The following PTPN21 variants were observed in gnomAD, a reference collection of about 807,000 sequenced individuals.
PTPN21 encodes the protein protein tyrosine phosphatase non-receptor type 21, also known as tyrosine-protein phosphatase non-receptor type 21.
In PTPN21, 77 loss-of-function variants were observed where a neutral mutation model predicts 131.8. That is an observed-to-expected ratio of 0.58 (90% CI 0.49 to 0.71). The LOEUF (loss-of-function observed/expected upper bound fraction) is 0.71, where lower values mean the gene tolerates loss of function less well. Among genes scored for constraint, PTPN21 ranks in the 30% least tolerant of loss-of-function variants. The probability of loss-of-function intolerance (pLI) is 0.00; values close to 1 mark genes in which losing one functional copy is unlikely to be tolerated. For missense variants in PTPN21, 1,552 were observed against 1,527.1 expected, an observed-to-expected ratio of 1.02 and a Z score of -0.27; for synonymous variants, 715 against 621.3, an observed-to-expected ratio of 1.15 and a Z score of -2.24.
chr14:88,487,559 T>C (rs1160096722), intron 10 of PTPN21, among the ~76,000 whole-genome samples: 1 of 151,572 alleles, frequency 6.6e-6, no homozygotes, highest in Non-Finnish European at 1.5e-5. Context: ...AACTAGTACA[T>C]ACTAGTTTTA....
rs188576010 is a variant in PTPN21 at position 88,509,951 on chromosome 14, G to A, written c.351-1931C>T. Among the ~76,000 whole-genome samples the A allele has an allele frequency of 3.6e-3, 551 of 152,276 alleles. 1 individual carries two copies. The highest frequency in any genetic ancestry group is 4.4e-3 in the Non-Finnish European group (296 of 68,022). On this transcript the variant is annotated intron_variant, in intron 3 of 18. Transcript: ENST00000556564. ...CTTGGGAGGCTGAGGCAGGAGAATC[G>A]CTTGAACCCAGGAAGCAGAGGTTGC...
chr14:88,504,220 T>C (rs1384990758), intron 6 of PTPN21, among the ~76,000 whole-genome samples: 6 of 152,162 alleles, frequency 3.9e-5, no homozygotes, highest in Non-Finnish European at 2.9e-5. Context: ...ATAAGTAATA[T>C]GGGTAAGTGC....
rs547745292 is a variant in PTPN21 at position 88,529,782 on chromosome 14, G to T, written c.181-12521C>A. 6.6e-5 allele frequency among the ~76,000 whole-genome samples: 10 copies of T among 152,210 alleles called. No homozygotes were observed. The South Asian group carries it at 1.9e-3, about 28-fold the overall frequency. ...AGACCACTTGAGGCAAGGAGTTTGA[G>T]ACCAGTCTGGCCAACATGGTGAAGC... On this transcript the variant is annotated intron_variant, in intron 2 of 18. Transcript: ENST00000556564.
In PTPN21 at chr14:88,470,065, G is replaced by C; in HGVS notation, c.2872-15C>G. 6.2e-7 allele frequency: 1 copy of C among 1,609,772 alleles called. No homozygotes were observed. The stretch of plus-strand genomic sequence containing the variant: ...CTGACAGAGACCTGGGATTAGAAAA[G>C]GTTAAAAAAATTGATGTGTGGGTAT... On this transcript the variant is annotated splice_polypyrimidine_tract_variant and intron_variant, in intron 15 of 18. Transcript: ENST00000556564.
chr14:88,512,941 T>C (rs2078208239), intron 3 of PTPN21, among the ~76,000 whole-genome samples: 2 of 152,304 alleles, frequency 1.3e-5, no homozygotes, highest in Middle Eastern at 6.8e-3. Context: ...GTTCAGATGA[T>C]GCCAGCCTGT....
chr14:88,474,378 T>C (rs1392328654), intron 13 of PTPN21, among the ~76,000 whole-genome samples: 1 of 152,070 alleles, frequency 6.6e-6, no homozygotes, highest in Non-Finnish European at 1.5e-5. Context: ...TTTGTAGAGA[T>C]GGGGTCTCAC....
chr14:88,539,972 T>C (rs1421140174), intron 2 of PTPN21, among the ~76,000 whole-genome samples: 1 of 152,184 alleles, frequency 6.6e-6, no homozygotes, highest in African/African-American at 2.4e-5. Flanking sequence ...ATATTATTTC[T>C]AAGTGCAAAA....
chr14:88,491,427 G>A (rs1199293472), intron 10 of PTPN21, among the ~76,000 whole-genome samples: 1 of 152,172 alleles, frequency 6.6e-6, no homozygotes, highest in Non-Finnish European at 1.5e-5. Context: ...CAAAGCAGAT[G>A]TCCAGAAGCC....
chr14:88,528,826 T>C (rs1362825606), intron 2 of PTPN21, among the ~76,000 whole-genome samples: 1 of 152,236 alleles, frequency 6.6e-6, no homozygotes, highest in African/African-American at 2.4e-5. Flanking sequence ...ATCAGCAGCA[T>C]GAAAACAGAC....
intron 2 of PTPN21, among the ~76,000 whole-genome samples, chr14:88,531,658 G>T (rs4904453): frequency 6.6e-6 from 1 of 152,128 alleles, no homozygotes. Flanking sequence ...TTAAATGCCT[G>T]TATCAAAAAG....
At chr14:88,551,445 G>C (rs989446308) in intron 1 of PTPN21, 1 of 152,210 alleles carries the variant, frequency 6.6e-6, no homozygotes, top group Non-Finnish European at 1.5e-5. Context: ...CTTCTCCCGC[G>C]TCCTCCCCTT....
In PTPN21 at chr14:88,469,535, C is replaced by G. The variant is rs1472458722; in HGVS notation, c.3199G>C (p.Glu1067Gln). 2.5e-6 allele frequency: 4 copies of G among 1,614,188 alleles called. No homozygotes were observed. The South Asian group carries it at 3.3e-5, about 13-fold the overall frequency. ...TTGAGGTCTTCTGGACAGCCATGTT[C>G]AGGCCAGTCTGTGTATTGGAGGTGC... ...VWHLQYTDWP[E>Q]HGCPEDLKGF... The change falls in exon 17 of 19, where the codon GAA becomes CAA. Residue 1067 changes from glutamate to glutamine, a missense_variant. By Grantham distance (29) the Glu-to-Gln change is conservative. Transcript: ENST00000556564. This position sits in a 1 kb window ranked among gnomAD's most constrained non-coding sequence, Gnocchi z 4.3.
intron 2 of PTPN21, among the ~76,000 whole-genome samples, chr14:88,530,512 C>T (rs1376239525): frequency 3.7e-5 from 5 of 134,904 alleles, no homozygotes; most frequent in African/African-American, 1.2e-4. Context: ...TAAAAATCCA[C>T]CAACCAAGTA....
chr14:88,517,808 A>G (rs573074693), intron 2 of PTPN21, among the ~76,000 whole-genome samples: 1 of 146,500 alleles, frequency 6.8e-6, no homozygotes, highest in Admixed American at 6.9e-5. Context: ...ATGTGTATTT[A>G]TGTGTGTATG....
intron 2 of PTPN21, among the ~76,000 whole-genome samples, chr14:88,544,821 TTTTTC>T (rs1240535022): frequency 7.2e-5 from 11 of 152,052 alleles, no homozygotes; most frequent in African/African-American, 2.4e-4. Context: ...AAATATGTAC[TTTTTC>T]TTTTCTTTTC....
Position 88,554,785 on chromosome 14 carries a change from C to T in PTPN21, c.-337G>A, listed in dbSNP as rs2078903627. 6.6e-6 allele frequency: 1 copy of T among 151,030 alleles called. No homozygotes were observed. The highest frequency in any genetic ancestry group is 1.5e-5 in the Non-Finnish European group (1 of 67,704). The allele number at this position is 151,030 out of a possible 1,614,324, so 9.4% of individuals were successfully genotyped here. On this transcript the variant is annotated 5_prime_UTR_variant, in exon 1 of 19. Transcript: ENST00000556564. The stretch of plus-strand genomic sequence containing the variant: ...GGCCGCGGCGCGCTCATGGGGCTCG[C>T]ACGCCTCACTTCCTGTCTCCAAAAA...
At position 88,466,304 on chromosome 14, in the gene PTPN21, A is replaced by T. The variant is rs2077362402; in HGVS notation, c.*1833T>A. The T allele has an allele frequency of 6.6e-6, 1 of 152,178 alleles. No individual in the cohort carries two copies. Among genetic ancestry groups the T allele is most frequent in the African/African-American group, 2.4e-5 (1 of 41,442 alleles). 9.4% of individuals were successfully genotyped at this position (152,178 alleles called of 1,614,324 possible). A position where few individuals can be genotyped will look rare whatever the true frequency, so the allele number is the denominator to read the frequency against. ...AATGTAAAATTTTAATTTTGTTCCTACATGAGAAGTGTGCGTACTTTCAAT... is the reference window on the plus strand; with the variant it reads ...AATGTAAAATTTTAATTTTGTTCCTTCATGAGAAGTGTGCGTACTTTCAAT... On this transcript the variant is annotated 3_prime_UTR_variant, in exon 19 of 19. Transcript: ENST00000556564.
In PTPN21 at chr14:88,550,370, C is replaced by T. The variant is rs182092441; in HGVS notation, c.48G>A (p.Thr16=). The change falls in exon 2 of 19, where the codon ACG becomes ACA. Residue 16 remains threonine (T), a synonymous_variant. Coordinates refer to ENST00000556564, the MANE Select transcript of PTPN21 (RefSeq NM_007039.4). ...GLKLKRTRRY[T]VSSKSCLVAR... ...CAACCAGGCAACTCTTGCTGGACAC[C>T]GTGTAGCGCCGGGTGCGTTTCAGTT... is the stretch of plus-strand genomic sequence containing the variant. 1 of 1,614,034 alleles carries T rather than the reference C, an allele frequency of 6.2e-7. No homozygotes were observed. Among genetic ancestry groups the T allele is most frequent in the Non-Finnish European group, 8.5e-7 (1 of 1,180,008 alleles).
intron 11 of PTPN21, 108 bp downstream of exon 11, chr14:88,485,674 A>G: frequency 1.3e-6 from 1 of 740,768 alleles, no homozygotes; most frequent in Non-Finnish European, 2.2e-6. Flanking sequence ...ATGAAATATC[A>G]ATACACTTTT....
Sources: allele counts gnomAD v4.1 joint callset (sites outside exome capture counted in the v4.1 genomes callset), GRCh38; gene constraint gnomAD v4.1.1; non-coding constraint Gnocchi (gnomAD v3.1); transcripts MANE v1.5; gene names NCBI Gene and HGNC (gene_info 2026-07-23, HGNC 2026-07-21).